Variants in ATF3 observed in about 807,000 individuals in gnomAD.
ATF3 encodes the protein cyclic AMP-dependent transcription factor ATF-3.
Under a neutral mutation model 18.4 loss-of-function variants are expected in ATF3, and 10 were observed. That is an observed-to-expected ratio of 0.54 (90% CI 0.34 to 0.92). The LOEUF (loss-of-function observed/expected upper bound fraction) is 0.92. Ranked by LOEUF, ATF3 falls within the 40% of genes least tolerant of loss-of-function variation. The pLI is 0.02. For missense variants in ATF3, 183 were observed against 222.3 expected (o/e 0.82, Z 1.12); for synonymous variants, 78 against 87.9 (o/e 0.89, Z 0.63).
chr1:212,603,049 G>C (rs1654524836), intron 1 of ATF3, among the ~76,000 whole-genome samples: 1 of 152,228 alleles, frequency 6.6e-6, no homozygotes, highest in Non-Finnish European at 1.5e-5. Context: ...AAATGGAAGT[G>C]AATGACTTCT....
chr1:212,580,713 C>G (rs1261088361), intron 1 of ATF3, among the ~76,000 whole-genome samples: 2 of 152,206 alleles, frequency 1.3e-5, no homozygotes, highest in Non-Finnish European at 2.9e-5. Context: ...CTCTAATTTT[C>G]TGAGAAAATT....
At chr1:212,611,365 G>C (rs759826755) in intron 1 of ATF3, among the ~76,000 whole-genome samples, 10 of 152,310 alleles carry the variant, frequency 6.6e-5, no homozygotes, top group Non-Finnish European at 1.2e-4. Flanking sequence ...AAATGGAGAA[G>C]ATGGAGTCAC....
At chr1:212,600,169 C>T (rs1363495890) in intron 1 of ATF3, among the ~76,000 whole-genome samples, 1 of 152,210 alleles carries the variant, frequency 6.6e-6, no homozygotes, top group Non-Finnish European at 1.5e-5. Context: ...GTTGCAGCCT[C>T]CTGATGGCCC....
chr1:212,566,008 C>T (rs1664376132), intron 1 of ATF3, among the ~76,000 whole-genome samples: 1 of 152,104 alleles, frequency 6.6e-6, no homozygotes, highest in South Asian at 2.1e-4. Context: ...AGCAGTGTAA[C>T]ATGGATAGGT....
chr1:212,597,312 C>G (rs540772882), intron 1 of ATF3, among the ~76,000 whole-genome samples: 1 of 152,114 alleles, frequency 6.6e-6, no homozygotes, highest in Non-Finnish European at 1.5e-5. Context: ...AGACACAGCG[C>G]TTATAATCAC....
At chr1:212,613,704 C>T (rs1006759020) in intron 1 of ATF3, 2 of 152,058 alleles carry the variant, frequency 1.3e-5, no homozygotes, top group Non-Finnish European at 2.9e-5. Flanking sequence ...GCCCAGACCA[C>T]ACTCATCCTA....
Position 212,620,480 on chromosome 1 carries a change from G to A in ATF3, c.*925G>A, listed in dbSNP as rs1246204627. Reference sequence around the variant, plus strand: ...AGATGTTTGGAAACCACAGTCAGTGGAGCCTGGGTGGTACCCAGGCTTTAG... The same window carrying A: ...AGATGTTTGGAAACCACAGTCAGTGAAGCCTGGGTGGTACCCAGGCTTTAG... On this transcript the variant is annotated 3_prime_UTR_variant, in exon 4 of 4. Coordinates refer to ENST00000341491, the MANE Select transcript of ATF3 (RefSeq NM_001674.4). 1 of 152,654 alleles carries A rather than the reference G, an allele frequency of 6.6e-6. No individual in the cohort carries two copies. 9.5% of individuals were successfully genotyped at this position (152,654 alleles called of 1,614,324 possible).
chr1:212,592,693 C>T (rs569342222), intron 1 of ATF3, among the ~76,000 whole-genome samples: 7 of 151,878 alleles, frequency 4.6e-5, no homozygotes, highest in African/African-American at 9.7e-5. Flanking sequence ...ATCTAGGGGC[C>T]GGATTGCATT....
intron 1 of ATF3, among the ~76,000 whole-genome samples, chr1:212,573,671 AT>A (rs1664522636): frequency 6.6e-6 from 1 of 151,678 alleles, no homozygotes; most frequent in African/African-American, 2.4e-5. Flanking sequence ...GAATTGAAAG[AT>A]TTTTTTCCTG....
intron 1 of ATF3, among the ~76,000 whole-genome samples, chr1:212,590,910 G>C (rs1420849269): frequency 1.3e-5 from 2 of 152,246 alleles, no homozygotes; most frequent in Non-Finnish European, 2.9e-5. Context: ...AGACCTCACA[G>C]AAGTGAAAAA....
At chr1:212,570,552 A>G (rs899393443) in intron 1 of ATF3, among the ~76,000 whole-genome samples, 2 of 152,180 alleles carry the variant, frequency 1.3e-5, no homozygotes, top group African/African-American at 2.4e-5. Flanking sequence ...AATCATATCT[A>G]TAGACTTTTT....
chr1:212,588,714 T>A (rs1664825983), intron 1 of ATF3, among the ~76,000 whole-genome samples: 1 of 152,222 alleles, frequency 6.6e-6, no homozygotes, highest in Admixed American at 6.5e-5. Flanking sequence ...TTGCTTTCAA[T>A]TCTTTTCACT....
chr1:212,578,289 T>A (rs1267072113), intron 1 of ATF3, among the ~76,000 whole-genome samples: 1 of 152,226 alleles, frequency 6.6e-6, no homozygotes, highest in Non-Finnish European at 1.5e-5. Flanking sequence ...TACATTAGAG[T>A]TGGTATCTAT....
At chr1:212,591,901 T>G (rs944260363) in intron 1 of ATF3, among the ~76,000 whole-genome samples, 2 of 152,200 alleles carry the variant, frequency 1.3e-5, no homozygotes, top group Admixed American at 1.3e-4. Flanking sequence ...CTCGGATCAC[T>G]GCAACCTCCG....
chr1:212,604,785 C>T (rs562105646), upstream of ATF3, among the ~76,000 whole-genome samples: 43 of 152,104 alleles, frequency 2.8e-4, no homozygotes, highest in Non-Finnish European at 5.3e-4. Context: ...GCCTTAGAAA[C>T]GGGGAGTGCC....
At chr1:212,571,241 G>A (rs1223823264) in intron 1 of ATF3, among the ~76,000 whole-genome samples, 2 of 151,642 alleles carry the variant, frequency 1.3e-5, no homozygotes, top group South Asian at 4.2e-4. Context: ...ATGTGCTTCC[G>A]GTTTTTCTTT....
At position 212,619,086 on chromosome 1, in the gene ATF3, C is replaced by T. The variant is rs1402736459; in HGVS notation, c.349-272C>T. ...TGGGTCCAGAAGACCTGCATATGGG[C>T]TGTTGACTCATGCAAATGAGGTATC... On this transcript the variant is annotated intron_variant, in intron 3 of 3. Coordinates refer to ENST00000341491, the MANE Select transcript of ATF3 (RefSeq NM_001674.4). This position sits in a 1 kb window ranked among gnomAD's most constrained non-coding sequence, Gnocchi z 4.4. The T allele has an allele frequency of 6.2e-7, 1 of 1,614,172 alleles. No homozygotes were observed. Among genetic ancestry groups the T allele is most frequent in the South Asian group, 1.1e-5 (1 of 91,078 alleles).
chr1:212,611,056 G>A (rs1349429690), intron 1 of ATF3, among the ~76,000 whole-genome samples: 3 of 152,322 alleles, frequency 2.0e-5, no homozygotes, highest in African/African-American at 4.8e-5. Context: ...CATGGGACAG[G>A]GCCAGTGGCT....
At chr1:212,598,747 A>G (rs997932312) in intron 1 of ATF3, among the ~76,000 whole-genome samples, 3 of 152,220 alleles carry the variant, frequency 2.0e-5, no homozygotes, top group Admixed American at 1.3e-4. Context: ...TTCACCTAAC[A>G]TAAAGACCTT....
Sources: gnomAD v4.1 joint callset for allele counts (sites outside exome capture counted in the v4.1 genomes callset) on GRCh38, gnomAD v4.1.1 for gene constraint, Gnocchi (gnomAD v3.1) non-coding constraint, MANE v1.5 for transcripts, NCBI Gene and HGNC (gene_info 2026-07-23, HGNC 2026-07-21) for gene names.